Variants in FBN1 observed in about 807,000 individuals in gnomAD.
FBN1 encodes fibrillin 1.
FBN1 carries 29 observed loss-of-function variants against 365.1 expected under a neutral mutation model. The observed-to-expected ratio is 0.08, with a 90% CI of 0.06 to 0.11. The LOEUF is 0.11. Among genes scored for constraint, FBN1 ranks in the 10% least tolerant of loss-of-function variants. The pLI, the probability that FBN1 is intolerant of heterozygous loss-of-function variation, is 1.00. For synonymous variants in FBN1, 1,210 were observed against 1,270.5 expected, an observed-to-expected ratio of 0.95 and a Z score of 1.01; for missense variants, 2,476 against 3,703.2, an observed-to-expected ratio of 0.67 and a Z score of 8.60.
chr15:48,441,821 T>C lies in FBN1; in HGVS notation c.6063A>G (p.Pro2021=), dbSNP rs2043117467. 1 of 1,613,502 alleles carries C rather than the reference T, an allele frequency of 6.2e-7. No homozygotes were observed. Among genetic ancestry groups the C allele is most frequent in the South Asian group, 1.1e-5 (1 of 91,090 alleles). The change falls in exon 50 of 66, where the codon CCA becomes CCG. Residue 2021 remains proline, a synonymous_variant. Transcript: ENST00000316623. ...CEDIDECVEE[P]EICALGTCSN... is the part of the protein sequence containing the mutation. ...TGCATGTGCCCAGGGCACAAATTTC[T>C]GGCTCTTCGACACACTCATCAATAT...
At chr15:48,613,870 G>A (rs922015387) in intron 2 of FBN1, among the ~76,000 whole-genome samples, 2 of 152,206 alleles carry the variant, frequency 1.3e-5, no homozygotes, top group African/African-American at 4.8e-5. Flanking sequence ...AGAGGCTGCA[G>A]TGAGCTGACA....
At chr15:48,600,538 T>C (rs1597625943) in intron 4 of FBN1, among the ~76,000 whole-genome samples, 1 of 152,098 alleles carries the variant, frequency 6.6e-6, no homozygotes, top group African/African-American at 2.4e-5. Context: ...ACCCCGTCCC[T>C]ACTAAAAATA....
chr15:48,591,577 A>G (rs1271450254), intron 6 of FBN1, among the ~76,000 whole-genome samples: 1 of 152,364 alleles, frequency 6.6e-6, no homozygotes, highest in East Asian at 1.9e-4. Flanking sequence ...CAAATAGAGG[A>G]ATATTCCAAA....
rs1403679935 is a variant in FBN1 at position 48,513,652 on chromosome 15, C to T, written c.1485G>A (p.Glu495=). 1 of 1,613,882 alleles carries T rather than the reference C, an allele frequency of 6.2e-7. No individual in the cohort carries two copies. Among genetic ancestry groups the T allele is most frequent in the African/African-American group, 1.3e-5 (1 of 74,914 alleles). The change falls in exon 13 of 66, where the codon GAG becomes GAA. Residue 495 remains glutamate, a synonymous_variant. Transcript: ENST00000316623. ...RGECIDVDEC[E]KNPCAGGECI... is the part of the protein sequence containing the mutation. ...ACTCACCACCAGCACAGGGGTTTTT[C>T]TCACATTCATCAACATCTGCAAAGC...
chr15:48,637,017 C>T (rs1890106636), intron 2 of FBN1, among the ~76,000 whole-genome samples: 1 of 152,174 alleles, frequency 6.6e-6, no homozygotes, highest in Admixed American at 6.5e-5. Context: ...GCTACAATGA[C>T]TTCGTGTATG....
intron 45 of FBN1, among the ~76,000 whole-genome samples, 172 bp downstream of exon 45, chr15:48,452,390 G>A (rs1263104144): frequency 6.6e-6 from 1 of 152,188 alleles, no homozygotes; most frequent in African/African-American, 2.4e-5. Context: ...TAAGTGTTTA[G>A]ATATTTTGAC....
intron 6 of FBN1, among the ~76,000 whole-genome samples, chr15:48,570,703 T>C (rs1222442344): frequency 6.6e-6 from 1 of 152,196 alleles, no homozygotes; most frequent in African/African-American, 2.4e-5. Flanking sequence ...CCCATACTCA[T>C]TTATTTAAAA....
intron 10 of FBN1, among the ~76,000 whole-genome samples, chr15:48,518,126 G>C (rs945808574): frequency 1.3e-5 from 2 of 152,200 alleles, no homozygotes; most frequent in Non-Finnish European, 2.9e-5. Flanking sequence ...TGACGTACTT[G>C]AATGTATTTG....
At chr15:48,608,060 C>A (rs2044628008) in intron 4 of FBN1, among the ~76,000 whole-genome samples, 1 of 152,236 alleles carries the variant, frequency 6.6e-6, no homozygotes, top group Non-Finnish European at 1.5e-5. Context: ...GCCACAACTT[C>A]CTGTTGTCCA....
At chr15:48,474,675 A>G (rs1220279128) in intron 32 of FBN1, 25 bp from the exon 33 acceptor site, 1 of 1,613,920 alleles carries the variant, frequency 6.2e-7, no homozygotes, top group Non-Finnish European at 8.5e-7. Context: ...AGTGATTTAG[A>G]AAAAGGCTCA....
intron 6 of FBN1, among the ~76,000 whole-genome samples, chr15:48,568,049 G>GAAAGAAAGAAGAAAGAAGAAAGAAAGA (rs369157930): frequency 7.5e-5 from 3 of 40,132 alleles, no homozygotes; most frequent in African/African-American, 4.1e-4. Flanking sequence ...AAGAAAGAAA[G>GAAAGAAAGAAGAAAGAAGAAAGAAAGA]AAGAAAGAAA....
At chr15:48,449,778 C>T (rs1295156140) in intron 45 of FBN1, among the ~76,000 whole-genome samples, 3 of 152,186 alleles carry the variant, frequency 2.0e-5, no homozygotes, top group Admixed American at 6.5e-5. Context: ...GCTGCAGATG[C>T]TGTAGGGCAG....
intron 32 of FBN1, among the ~76,000 whole-genome samples, chr15:48,478,520 G>A (rs2043441085): frequency 6.6e-6 from 1 of 152,074 alleles, no homozygotes; most frequent in African/African-American, 2.4e-5. Flanking sequence ...ATGGGAGGTA[G>A]GGTCTTAAAA....
chr15:48,615,280 T>G lies in FBN1; in HGVS notation c.165-2188A>C, dbSNP rs1483678598. ...GCCCTGTGGTTGACATAACAAGGTT[T>G]TATTTTTTTTTTTTACTACAATCAT... On this transcript the variant is annotated intron_variant, in intron 2 of 65. Coordinates refer to ENST00000316623, the MANE Select transcript of FBN1 (RefSeq NM_000138.5). 2.0e-5 allele frequency among the ~76,000 whole-genome samples: 3 copies of G among 152,162 alleles called. No individual in the cohort carries two copies. The East Asian group carries it at 5.8e-4, about 29-fold the overall frequency.
Position 48,488,350 on chromosome 15 carries a change from T to G in FBN1, c.3208+18A>C, listed in dbSNP as rs2141295079. The G allele has an allele frequency of 6.2e-7, 1 of 1,614,206 alleles. No homozygotes were observed. Among genetic ancestry groups the G allele is most frequent in the East Asian group, 2.2e-5 (1 of 44,886 alleles). On this transcript the variant is annotated intron_variant, in intron 26 of 65. Coordinates refer to ENST00000316623, the MANE Select transcript of FBN1 (RefSeq NM_000138.5). Reference sequence around the variant, plus strand: ...AAAGGACGTCCCCTCTCCTGGCCCTTAAGGCTCATTAACTGACCTGTGCAG... The same window carrying G: ...AAAGGACGTCCCCTCTCCTGGCCCTGAAGGCTCATTAACTGACCTGTGCAG...
At chr15:48,510,857 T>C (rs1208145630) in intron 13 of FBN1, among the ~76,000 whole-genome samples, 1 of 152,224 alleles carries the variant, frequency 6.6e-6, no homozygotes, top group African/African-American at 2.4e-5. Flanking sequence ...ACAACCTGTA[T>C]CTGATTTCTC....
At position 48,563,369 on chromosome 15, in the gene FBN1, G is replaced by A. The variant is rs2044238162; in HGVS notation, c.539-25561C>T. On this transcript the variant is annotated intron_variant, in intron 6 of 65. Coordinates refer to ENST00000316623, the MANE Select transcript of FBN1 (RefSeq NM_000138.5). ...GGGTTAGGTAAATAAATTAATTAATGAGTATCATATGAAGGAGATTGCCTC... is the reference window on the plus strand; with the variant it reads ...GGGTTAGGTAAATAAATTAATTAATAAGTATCATATGAAGGAGATTGCCTC... Among the ~76,000 whole-genome samples, 6 of 152,064 alleles carry A rather than the reference G, an allele frequency of 3.9e-5. No individual in the cohort carries two copies. In the South Asian group the frequency reaches 1.2e-3, roughly 32 times the overall value.
At chr15:48,550,685 G>A (rs2044134251) in intron 6 of FBN1, among the ~76,000 whole-genome samples, 1 of 152,038 alleles carries the variant, frequency 6.6e-6, no homozygotes. Context: ...TCACGGTGCT[G>A]TTTCTCTTCC....
chr15:48,595,236 A>G (rs1343934180), intron 6 of FBN1, among the ~76,000 whole-genome samples: 1 of 151,988 alleles, frequency 6.6e-6, no homozygotes, highest in African/African-American at 2.4e-5. Context: ...CTCACAAACC[A>G]CTCTCTGCTC....
Sources: allele counts gnomAD v4.1 joint callset (sites outside exome capture counted in the v4.1 genomes callset), GRCh38; gene constraint gnomAD v4.1.1; transcripts MANE v1.5; gene names NCBI Gene and HGNC (gene_info 2026-07-23, HGNC 2026-07-21).